PSD3: variants seen among roughly 807,000 people sequenced by gnomAD.
PSD3 encodes the protein PH and SEC7 domain-containing protein 3.
A neutral mutation model predicts 105.5 loss-of-function variants in PSD3; 49 were observed. The observed-to-expected ratio is 0.46, with a 90% CI of 0.37 to 0.59. The LOEUF is 0.59. Among genes scored for constraint, PSD3 ranks in the 20% least tolerant of loss-of-function variants. The probability of loss-of-function intolerance (pLI) is 0.00; values close to 1 mark genes in which losing one functional copy is unlikely to be tolerated. For missense variants in PSD3, 1,561 were observed against 1,263.8 expected (o/e 1.24, Z -3.57); for synonymous variants, 557 against 457.8 (o/e 1.22, Z -2.77).
chr8:18,771,645 G>C (rs905166456), intron 8 of PSD3, among the ~76,000 whole-genome samples: 2 of 152,178 alleles, frequency 1.3e-5, no homozygotes, highest in African/African-American at 4.8e-5. Context: ...GAAATCAACA[G>C]ACCATAAATG....
intron 12 of PSD3, among the ~76,000 whole-genome samples, chr8:18,576,127 T>C (rs1802449353): frequency 6.6e-6 from 1 of 152,108 alleles, no homozygotes; most frequent in Non-Finnish European, 1.5e-5. Flanking sequence ...ACAAAAACAA[T>C]GCCAGTCCTC....
intron 9 of PSD3, among the ~76,000 whole-genome samples, chr8:18,666,164 C>T (rs1401697239): frequency 6.6e-6 from 1 of 152,186 alleles, no homozygotes; most frequent in Non-Finnish European, 1.5e-5. Flanking sequence ...GGTTCTCTTG[C>T]CTTAGCCTCC....
At chr8:18,928,196 CG>C (rs1457023597) in intron 2 of PSD3, among the ~76,000 whole-genome samples, 5 of 152,046 alleles carry the variant, frequency 3.3e-5, no homozygotes, top group African/African-American at 1.2e-4. Context: ...TGGAATCATG[CG>C]GGCAGTTTCC....
chr8:18,969,978 T>C (rs1276932842), intron 1 of PSD3, among the ~76,000 whole-genome samples: 1 of 152,096 alleles, frequency 6.6e-6, no homozygotes, highest in African/African-American at 2.4e-5. Flanking sequence ...GTAAAATTAA[T>C]AAACACTATC....
chr8:18,644,578 C>G (rs751654723), intron 10 of PSD3, among the ~76,000 whole-genome samples: 8 of 152,198 alleles, frequency 5.3e-5, no homozygotes, highest in Non-Finnish European at 1.0e-4. Flanking sequence ...ATTATGATCA[C>G]TTAAGTAATG....
At chr8:18,970,345 A>G (rs376154468) in intron 1 of PSD3, among the ~76,000 whole-genome samples, 24 of 145,230 alleles carry the variant, frequency 1.7e-4, no homozygotes, top group African/African-American at 5.5e-4. Context: ...AAAAAAAAAA[A>G]AAACAAAGAA....
intron 10 of PSD3, among the ~76,000 whole-genome samples, chr8:18,649,519 G>A (rs1808313929): frequency 6.6e-6 from 1 of 152,122 alleles, no homozygotes; most frequent in African/African-American, 2.4e-5. Flanking sequence ...CAGGCTCATA[G>A]GCACAAGGGA....
At chr8:18,998,933 C>T (rs2129474140) in intron 1 of PSD3, among the ~76,000 whole-genome samples, 1 of 152,072 alleles carries the variant, frequency 6.6e-6, no homozygotes, top group Non-Finnish European at 1.5e-5. Context: ...CTCACTCACT[C>T]TGTAGATGGA....
chr8:18,962,310 A>G (rs1823975976), intron 1 of PSD3, among the ~76,000 whole-genome samples: 1 of 152,350 alleles, frequency 6.6e-6, no homozygotes, highest in East Asian at 1.9e-4. Flanking sequence ...TAAAGTTATC[A>G]ACAGAGAAGA....
chr8:19,027,267 C>A (rs753949740), intron 1 of PSD3, among the ~76,000 whole-genome samples: 14 of 152,176 alleles, frequency 9.2e-5, no homozygotes, highest in Non-Finnish European at 1.3e-4. Flanking sequence ...CTGGACATAA[C>A]TGCTGAGTTA....
chr8:18,629,716 A>G (rs913542437), intron 11 of PSD3, among the ~76,000 whole-genome samples: 1 of 152,026 alleles, frequency 6.6e-6, no homozygotes, highest in Non-Finnish European at 1.5e-5. Flanking sequence ...TAATACGAGA[A>G]GCAATTACTG....
At chr8:18,985,835 C>T (rs1825472552) in intron 1 of PSD3, among the ~76,000 whole-genome samples, 1 of 151,548 alleles carries the variant, frequency 6.6e-6, no homozygotes, top group Non-Finnish European at 1.5e-5. Context: ...ATAAATATTT[C>T]CTATTTAGTT....
At position 18,746,774 on chromosome 8, in the gene PSD3, C is replaced by T. The variant is rs62495855; in HGVS notation, c.2172+18675G>A. ...ATTACAAAATACTTAATTTGTAATA[C>T]AATTAGGTTCATTTGTTACTGTTTA... On this transcript the variant is annotated intron_variant, in intron 9 of 15. Transcript: ENST00000327040. 9.6e-3 allele frequency among the ~76,000 whole-genome samples: 1,464 copies of T among 152,280 alleles called. 13 individuals carry two copies. The highest frequency in any genetic ancestry group is 0.016 in the Non-Finnish European group (1,122 of 68,018).
At chr8:18,971,595 G>A (rs1359398362) in intron 1 of PSD3, among the ~76,000 whole-genome samples, 9 of 152,134 alleles carry the variant, frequency 5.9e-5, no homozygotes, top group Non-Finnish European at 1.0e-4. Context: ...TTTGAGTCCC[G>A]CCTCACATCT....
At chr8:18,954,083 A>G (rs2129470229) in intron 1 of PSD3, among the ~76,000 whole-genome samples, 1 of 152,230 alleles carries the variant, frequency 6.6e-6, no homozygotes, top group African/African-American at 2.4e-5. Context: ...CATTTAATGT[A>G]TACACTTGCT....
At chr8:18,863,962 A>C (rs2129455854) in intron 4 of PSD3, among the ~76,000 whole-genome samples, 1 of 152,246 alleles carries the variant, frequency 6.6e-6, no homozygotes, top group South Asian at 2.1e-4. Context: ...AACCTCTTGC[A>C]CCTTTCTTTA....
At chr8:18,979,931 T>C (rs1011414926) in intron 1 of PSD3, among the ~76,000 whole-genome samples, 8 of 152,236 alleles carry the variant, frequency 5.3e-5, no homozygotes, top group Admixed American at 3.3e-4. Context: ...ACAGTATCCT[T>C]CTACAGAAAT....
chr8:18,673,230 C>T (rs1377134744), intron 9 of PSD3, among the ~76,000 whole-genome samples: 2 of 151,688 alleles, frequency 1.3e-5, no homozygotes, highest in Non-Finnish European at 2.9e-5. Flanking sequence ...CCACACACAC[C>T]CTGCCCGTCT....
intron 10 of PSD3, among the ~76,000 whole-genome samples, chr8:18,633,342 G>T (rs1052511403): frequency 2.6e-5 from 4 of 151,926 alleles, no homozygotes; most frequent in Admixed American, 1.3e-4. Flanking sequence ...AAAACCCCAG[G>T]CAAAGCTACT....
Sources: allele counts gnomAD v4.1 joint callset (sites outside exome capture counted in the v4.1 genomes callset), GRCh38; gene constraint gnomAD v4.1.1; transcripts MANE v1.5; gene names NCBI Gene and HGNC (gene_info 2026-07-23, HGNC 2026-07-21).